Variants in ZFPM1 observed in about 807,000 individuals in gnomAD.
The protein encoded by ZFPM1 is zinc finger protein, FOG family member 1, also known as zinc finger protein ZFPM1.
Under a neutral mutation model 46.3 loss-of-function variants are expected in ZFPM1, and 28 were observed. That is an observed-to-expected ratio of 0.60 (90% CI 0.45 to 0.83). The LOEUF is 0.83. Among genes scored for constraint, ZFPM1 ranks in the 40% least tolerant of loss-of-function variants. ZFPM1 has a pLI of 0.00. For missense variants in ZFPM1, 1,878 were observed against 1,432.4 expected (o/e 1.31, Z -5.02); for synonymous variants, 957 against 675.9 (o/e 1.42, Z -6.45).
chr16:88,526,674 G>T, intron 4 of ZFPM1, 140 bp from the exon 5 acceptor site: 1 of 899,990 alleles, frequency 1.1e-6, no homozygotes, highest in Non-Finnish European at 1.7e-6. Flanking sequence ...CCAGCTCTTG[G>T]GCCAATGACT....
At chr16:88,464,309 A>G (rs1462100411) in intron 1 of ZFPM1, among the ~76,000 whole-genome samples, 6 of 152,174 alleles carry the variant, frequency 3.9e-5, no homozygotes, top group Non-Finnish European at 5.9e-5. Flanking sequence ...CTGCCTGTTT[A>G]TGACTGATAG....
rs1175452383 is a variant in ZFPM1 at position 88,526,879 on chromosome 16, G to A, written c.468G>A (p.Leu156=). ...GGCTGAGGACGCTGCCCCAGGCCCT[G>A]ACTGAGGCCGAGGCCAACACAGAGA... The part of the protein sequence containing the change: ...ACWLRTLPQA[L]TEAEANTEIH... The change falls in exon 5 of 10, where the codon CTG becomes CTA. Residue 156 remains leucine, a synonymous_variant. Transcript: ENST00000319555. The A allele has an allele frequency of 6.3e-7, 1 of 1,580,952 alleles. No homozygotes were observed.
At chr16:88,491,023 C>CCCAGTCAGGCGCTGGTGCCT in intron 3 of ZFPM1, among the ~76,000 whole-genome samples, 2 of 149,188 alleles carry the variant, frequency 1.3e-5, no homozygotes, top group African/African-American at 5.0e-5. Flanking sequence ...CTTCGGGGCT[C>CCCAGTCAGGCGCTGGTGCCT]TCGGTCAGGC....
At chr16:88,524,357 G>A (rs1314301447) in intron 4 of ZFPM1, among the ~76,000 whole-genome samples, 1 of 152,164 alleles carries the variant, frequency 6.6e-6, no homozygotes. Context: ...CCCCCAGCCT[G>A]CCCCAGCAGA....
At chr16:88,522,762 G>A (rs1251091617) in intron 4 of ZFPM1, among the ~76,000 whole-genome samples, 1 of 152,190 alleles carries the variant, frequency 6.6e-6, no homozygotes, top group African/African-American at 2.4e-5. Flanking sequence ...CGGCAAACAG[G>A]GTGGGCTCTA....
intron 3 of ZFPM1, among the ~76,000 whole-genome samples, chr16:88,504,005 T>C (rs891061067): frequency 1.3e-5 from 2 of 152,094 alleles, no homozygotes. Flanking sequence ...CCTGCCTGGG[T>C]GTCCATGGCT....
Position 88,505,987 on chromosome 16 carries a change from A to C in ZFPM1, c.269-8400A>C, listed in dbSNP as rs551665140. The stretch of plus-strand genomic sequence containing the variant: ...CAGGGTCTGAGGGTCTCAGGAAGGC[A>C]GGTTCTGTGGTTCGAAGCCCTTTGT... On this transcript the variant is annotated intron_variant, in intron 3 of 9. Transcript: ENST00000319555. Among the ~76,000 whole-genome samples, 12 of 152,344 alleles carry C rather than the reference A, an allele frequency of 7.9e-5. No individual in the cohort carries two copies. The South Asian group carries it at 1.9e-3, about 24-fold the overall frequency.
chr16:88,489,605 C>G (rs909150877), intron 3 of ZFPM1, among the ~76,000 whole-genome samples: 2 of 152,228 alleles, frequency 1.3e-5, no homozygotes, highest in African/African-American at 4.8e-5. Context: ...GGCCCCACCC[C>G]ACTCCAGAGC....
intron 1 of ZFPM1, among the ~76,000 whole-genome samples, chr16:88,460,658 A>T (rs185867452): frequency 1.3e-5 from 2 of 152,330 alleles, no homozygotes; most frequent in Admixed American, 1.3e-4. Flanking sequence ...TGCCCACCTT[A>T]GAGACTCCGC....
intron 1 of ZFPM1, among the ~76,000 whole-genome samples, chr16:88,461,276 A>G (rs1448632939): frequency 6.7e-6 from 1 of 148,734 alleles, no homozygotes; most frequent in Non-Finnish European, 1.5e-5. Flanking sequence ...GACGGGTGCG[A>G]GGCCTGGTGA....
chr16:88,492,518 G>A (rs1398714632), intron 3 of ZFPM1, among the ~76,000 whole-genome samples: 1 of 152,228 alleles, frequency 6.6e-6, no homozygotes, highest in African/African-American at 2.4e-5. Context: ...CATCTGTCCT[G>A]CATGTGGATG....
chr16:88,505,186 G>A (rs922202766), intron 3 of ZFPM1, among the ~76,000 whole-genome samples: 4 of 152,196 alleles, frequency 2.6e-5, no homozygotes, highest in East Asian at 1.9e-4. Flanking sequence ...GGTGGCTGAC[G>A]CAGCTGCTCT....
chr16:88,483,232 C>T (rs1909037631), intron 1 of ZFPM1, among the ~76,000 whole-genome samples: 1 of 151,172 alleles, frequency 6.6e-6, no homozygotes, highest in Admixed American at 6.6e-5. Flanking sequence ...GTCCAGCCTG[C>T]CCCTCCTGTC....
In ZFPM1 at chr16:88,535,277, C is replaced by T. The variant is rs1383820027; in HGVS notation, c.*298C>T. Reference sequence around the variant, plus strand: ...CGGCCCGGAGTGGCTGGGCCCCTGCCGGAGTTACACCACTGGGTGCTAAGA... The same window carrying T: ...CGGCCCGGAGTGGCTGGGCCCCTGCTGGAGTTACACCACTGGGTGCTAAGA... On this transcript the variant is annotated 3_prime_UTR_variant, in exon 10 of 10. Transcript: ENST00000319555. 1.2e-5 allele frequency: 3 copies of T among 248,580 alleles called. No individual in the cohort carries two copies. Among genetic ancestry groups the T allele is most frequent in the South Asian group, 3.1e-4 (2 of 6,552 alleles). The allele number at this position is 248,580 out of a possible 1,614,324, so 15.4% of individuals were successfully genotyped here. A position where few individuals can be genotyped will look rare whatever the true frequency, so the allele number is the denominator to read the frequency against.
At chr16:88,462,103 T>C (rs904787) in intron 1 of ZFPM1, among the ~76,000 whole-genome samples, 66,146 of 151,912 alleles carry the variant, frequency 0.44, 16,205 homozygotes, top group African/African-American at 0.66. Context: ...TGGTGGCTGA[T>C]CTTGGGCAGA....
chr16:88,457,885 C>T (rs1039989053), intron 1 of ZFPM1, among the ~76,000 whole-genome samples: 5 of 152,152 alleles, frequency 3.3e-5, no homozygotes, highest in South Asian at 4.1e-4. Context: ...TGGCGGACCC[C>T]GGAGTCCACG....
chr16:88,499,621 A>C (rs1910139103), intron 3 of ZFPM1, among the ~76,000 whole-genome samples: 1 of 152,222 alleles, frequency 6.6e-6, no homozygotes, highest in Admixed American at 6.5e-5. Flanking sequence ...GTGGCCCCTG[A>C]ATCCCGCTGG....
At position 88,466,805 on chromosome 16, in the gene ZFPM1, C is replaced by A. The variant is rs184471810; in HGVS notation, c.40+13127C>A. Among the ~76,000 whole-genome samples, 8 of 152,230 alleles carry A rather than the reference C, an allele frequency of 5.3e-5. No homozygotes were observed. In the East Asian group the frequency reaches 1.3e-3, roughly 26 times the overall value. ...GGTAAATGTCAGCTCCAGTGACCAG[C>A]GTTTAAATCCTGCCCCCTGGCCGGC... is the stretch of plus-strand genomic sequence containing the variant. On this transcript the variant is annotated intron_variant, in intron 1 of 9. Coordinates refer to ENST00000319555, the MANE Select transcript of ZFPM1 (RefSeq NM_153813.3).
chr16:88,493,498 T>G (rs1909738762), intron 3 of ZFPM1, among the ~76,000 whole-genome samples: 1 of 135,140 alleles, frequency 7.4e-6, no homozygotes. Flanking sequence ...TGTCCCGGGG[T>G]GGGGAGAGCT....
Sources: gnomAD v4.1 joint callset for allele counts (sites outside exome capture counted in the v4.1 genomes callset) on GRCh38, gnomAD v4.1.1 for gene constraint, MANE v1.5 for transcripts, NCBI Gene and HGNC (gene_info 2026-07-23, HGNC 2026-07-21) for gene names.